ZNF668: variants seen among roughly 807,000 people sequenced by gnomAD.
ZNF668 encodes the protein zinc finger protein 668.
A neutral mutation model predicts 40.3 loss-of-function variants in ZNF668; 10 were observed. The ratio of observed to expected loss-of-function variants is 0.25; its 90% CI spans 0.15 to 0.42. The LOEUF (loss-of-function observed/expected upper bound fraction) is 0.42, where lower values mean the gene tolerates loss of function less well. ZNF668 is among the 10% of genes least tolerant of loss of function. The pLI, the probability that ZNF668 is intolerant of heterozygous loss-of-function variation, is 1.00. For synonymous variants in ZNF668, 428 were observed against 384.6 expected, an observed-to-expected ratio of 1.11 and a Z score of -1.32; for missense variants, 749 against 904.6, an observed-to-expected ratio of 0.83 and a Z score of 2.21.
At chr16:31,066,309 G>A (rs1004416988) in intron 1 of ZNF668, 1 of 985,322 alleles carries the variant, frequency 1.0e-6, no homozygotes, top group Non-Finnish European at 1.2e-6. Flanking sequence ...TCCACCAGGA[G>A]GATCCTCAAG....
At chr16:31,063,226 A>G (rs1030006214) in intron 2 of ZNF668, among the ~76,000 whole-genome samples, 1 of 152,058 alleles carries the variant, frequency 6.6e-6, no homozygotes, top group Non-Finnish European at 1.5e-5. Flanking sequence ...TCGACCTCCC[A>G]GGCTCAGGCC....
At chr16:31,067,031 G>A (rs1488610709) in intron 1 of ZNF668, among the ~76,000 whole-genome samples, 3 of 152,016 alleles carry the variant, frequency 2.0e-5, no homozygotes, top group East Asian at 1.9e-4. Flanking sequence ...CAGCCTGGGC[G>A]ATATAGCAAA....
chr16:31,061,834 CG>C lies in ZNF668; in HGVS notation c.1093del (p.Arg365AlafsTer43). 6.2e-7 allele frequency: 1 copy of C among 1,612,940 alleles called. No homozygotes were observed. Among genetic ancestry groups the C allele is most frequent in the Non-Finnish European group, 8.5e-7 (1 of 1,179,776 alleles). On this transcript the variant is annotated frameshift_variant, in exon 3 of 3. Coordinates refer to ENST00000300849, the MANE Select transcript of ZNF668 (RefSeq NM_024706.5). LOFTEE classifies it high-confidence loss of function. This position sits in a 1 kb window ranked among gnomAD's most constrained non-coding sequence, Gnocchi z 7.7. ...GAAGGCTCGCCCGCACTCCTCACAG[CG>C]GAAGGGCCGCTGGCCAGAGTGCACC... ...ALVHSGQRPF[R>X]CEECGRAFAE...
At chr16:31,064,631 T>C (rs774734828) in intron 1 of ZNF668, 150 bp from the exon 2 acceptor site, 1 of 1,536,804 alleles carries the variant, frequency 6.5e-7, no homozygotes, top group South Asian at 1.2e-5. Context: ...TGCGTTCGTT[T>C]CCTCCCTGAT....
chr16:31,071,846 A>G (rs1358767008), intron 1 of ZNF668, among the ~76,000 whole-genome samples: 1 of 152,252 alleles, frequency 6.6e-6, no homozygotes, highest in Non-Finnish European at 1.5e-5. Context: ...CATTTTGTGC[A>G]TAATACTCAA....
intron 1 of ZNF668, chr16:31,065,995 C>G (rs1318667648): frequency 2.2e-5 from 22 of 983,692 alleles, no homozygotes; most frequent in Non-Finnish European, 2.5e-5. Context: ...ACTCAGGGCC[C>G]CTTATGCCAG....
At chr16:31,069,250 C>CCCCAT (rs1441496279) in intron 1 of ZNF668, 1 of 147,254 alleles carries the variant, frequency 6.8e-6, no homozygotes, top group East Asian at 2.0e-4. Context: ...CATGGTGAAA[C>CCCCAT]CCCATCTCTA....
chr16:31,064,421 G>T lies in ZNF668; in HGVS notation c.39C>A (p.Pro13=). 6.2e-7 allele frequency: 1 copy of T among 1,612,442 alleles called. No individual in the cohort carries two copies. Residue 13 remains proline (P), a synonymous_variant, in exon 2 of 3, where the codon CCC becomes CCA. Transcript: ENST00000300849. ...AGCGGCGGCCCGAGCGCTTGTAGCC[G>T]GGGGCTGGGGACCGGGCCTCTGCAG... is the stretch of plus-strand genomic sequence containing the variant. ...VEAAEARSPA[P]GYKRSGRRYK... is the part of the protein sequence containing the mutation.
chr16:31,065,140 T>C (rs994712549), intron 1 of ZNF668: 5 of 1,001,388 alleles, frequency 5.0e-6, no homozygotes, highest in African/African-American at 1.7e-5. Flanking sequence ...ACTCTGGTAA[T>C]GGAGAATCAC....
Position 31,061,219 on chromosome 16 carries a change from C to A in ZNF668, c.1709G>T (p.Arg570Leu). The A allele has an allele frequency of 1.3e-6, 2 of 1,528,062 alleles. No individual in the cohort carries two copies. Among genetic ancestry groups the A allele is most frequent in the Non-Finnish European group, 1.8e-6 (2 of 1,139,440 alleles). 94.7% of individuals were successfully genotyped at this position (1,528,062 alleles called of 1,614,324 possible). A position where few individuals can be genotyped will look rare whatever the true frequency, so the allele number is the denominator to read the frequency against. Residue 570 changes from arginine (R) to leucine (L), a missense_variant, in exon 3 of 3, where the codon CGC becomes CTC. Arg to Leu is a moderately radical substitution (Grantham distance 102). Coordinates refer to ENST00000300849, the MANE Select transcript of ZNF668 (RefSeq NM_024706.5). This position sits in a 1 kb window ranked among gnomAD's most constrained non-coding sequence, Gnocchi z 7.7. ...RKHSRTHSSV[R>L]PYTCPHCPKA... The stretch of plus-strand genomic sequence containing the variant: ...GGGACAATGGGGGCAGGTGTAGGGG[C>A]GCACTGAGCTGTGAGTGCGGCTGTG...
At position 31,063,054 on chromosome 16, in the gene ZNF668, A is replaced by G. The variant is rs566829255; in HGVS notation, c.647+759T>C. 1.5e-3 allele frequency among the ~76,000 whole-genome samples: 199 copies of G among 134,124 alleles called. 2 individuals carry two copies. The highest frequency in any genetic ancestry group is 4.9e-4 in the Non-Finnish European group (30 of 60,680). 88.0% of individuals were successfully genotyped at this position (134,124 alleles called of 152,430 possible). A position where few individuals can be genotyped will look rare whatever the true frequency, so the allele number is the denominator to read the frequency against. ...GGTTGCGGTGAGCCGAGATCGCGCC[A>G]TTGCACTCTAGCCTGGGCAACAAGA... is the stretch of plus-strand genomic sequence containing the variant. On this transcript the variant is annotated intron_variant, in intron 2 of 2. Coordinates refer to ENST00000300849, the MANE Select transcript of ZNF668 (RefSeq NM_024706.5).
chr16:31,064,314 C>G lies in ZNF668; in HGVS notation c.146G>C (p.Cys49Ser), dbSNP rs1167311742. Reference sequence around the variant, plus strand: ...CTTCACCTCGGCCACCTCTTCAGAGCAGTCTGCCGGCCCATGTGTGGCAGC... The same window carrying G: ...CTTCACCTCGGCCACCTCTTCAGAGGAGTCTGCCGGCCCATGTGTGGCAGC... ...RHAATHGPAD[C>S]SEEVAEVKPK... is the part of the protein sequence containing the mutation. Residue 49 changes from cysteine (C) to serine (S), a missense_variant, in exon 2 of 3, where the codon TGC (cysteine) becomes TCC (serine). This residue lies in a region of ZNF668 where 159 missense variants were observed against 139.8 expected (regional missense o/e 1.14). Coordinates refer to ENST00000300849, the MANE Select transcript of ZNF668 (RefSeq NM_024706.5). 2 of 1,613,948 alleles carry G rather than the reference C, an allele frequency of 1.2e-6. No homozygotes were observed. The highest frequency in any genetic ancestry group is 3.3e-5 in the Admixed American group (2 of 60,036).
intron 1 of ZNF668, chr16:31,064,738 C>A (rs1480819363): frequency 3.9e-6 from 6 of 1,522,722 alleles, no homozygotes; most frequent in Non-Finnish European, 5.3e-6. Flanking sequence ...TCCCCCCCCG[C>A]CCCCAACGGG....
chr16:31,066,215 T>C, intron 1 of ZNF668: 1 of 985,448 alleles, frequency 1.0e-6, no homozygotes, highest in Non-Finnish European at 1.2e-6. Context: ...TCAAGAACTT[T>C]CCATGGCTTC....
intron 1 of ZNF668, chr16:31,072,771 T>G (rs974131049): frequency 5.3e-5 from 8 of 152,342 alleles, no homozygotes; most frequent in African/African-American, 1.9e-4. Context: ...GACAGAGTCC[T>G]CCTCCCGGCA....
At chr16:31,066,464 G>T in intron 1 of ZNF668, 1 of 775,090 alleles carries the variant, frequency 1.3e-6, no homozygotes, top group Non-Finnish European at 1.6e-6. Context: ...GGCTGAGGCG[G>T]GAGGATCCTG....
intron 1 of ZNF668, among the ~76,000 whole-genome samples, chr16:31,067,931 A>C (rs946674853): frequency 6.6e-6 from 1 of 151,960 alleles, no homozygotes; most frequent in African/African-American, 2.4e-5. Context: ...GTCTTCTCTC[A>C]TCCTTGCAGA....
chr16:31,063,840 T>A lies in ZNF668; in HGVS notation c.620A>T (p.Glu207Val), dbSNP rs1206507898. The change falls in exon 2 of 3, where the codon GAG (glutamate) becomes GTG (valine). Residue 207 changes from glutamate (E) to valine (V), a missense_variant. Coordinates refer to ENST00000300849, the MANE Select transcript of ZNF668 (RefSeq NM_024706.5). ...CTCATGGTTGCGGAGGTCCTTGAGCTCCGCATAGGCTTTGCCGCAACGCTC... is the reference window on the plus strand; with the variant it reads ...CTCATGGTTGCGGAGGTCCTTGAGCACCGCATAGGCTTTGCCGCAACGCTC... Reference protein sequence around the residue: ...SCERCGKAYAELKDLRNHERS... With the variant: ...SCERCGKAYAVLKDLRNHERS... The A allele has an allele frequency of 6.3e-7, 1 of 1,582,302 alleles. No homozygotes were observed. The highest frequency in any genetic ancestry group is 1.1e-5 in the South Asian group (1 of 88,668).
intron 1 of ZNF668, among the ~76,000 whole-genome samples, chr16:31,067,051 CTACAAAAAA>C (rs1291582293): frequency 6.6e-6 from 1 of 151,998 alleles, no homozygotes; most frequent in Non-Finnish European, 1.5e-5. Flanking sequence ...AATCCCATTT[CTACAAAAAA>C]TACAAAAATT....
Sources: gnomAD v4.1 joint callset for allele counts (sites outside exome capture counted in the v4.1 genomes callset) on GRCh38, gnomAD v4.1.1 for gene constraint, gnomAD v4.1.1 regional missense constraint, Gnocchi (gnomAD v3.1) non-coding constraint, MANE v1.5 for transcripts, NCBI Gene and HGNC (gene_info 2026-07-23, HGNC 2026-07-21) for gene names.